MAFF: variants seen among roughly 807,000 people sequenced by gnomAD.
MAFF encodes MAF bZIP transcription factor F.
MAFF carries 4 observed loss-of-function variants against 2.7 expected under a neutral mutation model. The observed-to-expected ratio is 1.48, with a 90% confidence interval of 0.73 to 3.39. MAFF has a LOEUF of 3.39. MAFF is among the 30% of genes most tolerant of loss of function. MAFF has a pLI of 0.01. For synonymous variants in MAFF, 113 were observed against 119.4 expected (o/e 0.95, Z 0.35); for missense variants, 190 against 246.6 (o/e 0.77, Z 1.54).
chr22:38,214,973 C>A lies in MAFF; in HGVS notation c.*95C>A. The stretch of plus-strand genomic sequence containing the variant: ...GCCTCTGTGCCCAGGTCCCATTTCT[C>A]TGCAGCACTGGCCCCTTGGTGCACA... On this transcript the variant is annotated 3_prime_UTR_variant, in exon 3 of 3. Transcript: ENST00000338483. The surrounding 1 kb of genome is among the most constrained non-coding windows in gnomAD (Gnocchi z 6.3). 1 of 911,062 alleles carries A rather than the reference C, an allele frequency of 1.1e-6. No homozygotes were observed. Among genetic ancestry groups the A allele is most frequent in the Non-Finnish European group, 1.7e-6 (1 of 581,746 alleles). 56.4% of individuals were successfully genotyped at this position (911,062 alleles called of 1,614,324 possible). A position where few individuals can be genotyped will look rare whatever the true frequency, so the allele number is the denominator to read the frequency against.
In MAFF at chr22:38,214,740, C is replaced by T. The variant is rs1602338321; in HGVS notation, c.357C>T (p.Arg119=). ...GKCEALQGFA[R]SVAAARGPAT... is the part of the protein sequence containing the mutation. ...GCGAGGCGCTGCAGGGCTTCGCGCG[C>T]TCCGTGGCCGCCGCCCGCGGGCCCG... is the stretch of plus-strand genomic sequence containing the variant. The change falls in exon 3 of 3, where the codon CGC becomes CGT. Residue 119 remains arginine (R), a synonymous_variant. Coordinates refer to ENST00000338483, the MANE Select transcript of MAFF (RefSeq NM_012323.4). This position sits in a 1 kb window ranked among gnomAD's most constrained non-coding sequence, Gnocchi z 6.3. 3 of 1,415,662 alleles carry T rather than the reference C, an allele frequency of 2.1e-6. No individual in the cohort carries two copies. The highest frequency in any genetic ancestry group is 6.0e-5 in the East Asian group (2 of 33,092). 87.7% of individuals were successfully genotyped at this position (1,415,662 alleles called of 1,614,324 possible).
chr22:38,203,683 G>C (rs931893903), intron 1 of MAFF: 3 of 146,446 alleles, frequency 2.0e-5, no homozygotes, highest in African/African-American at 7.4e-5. Context: ...GGGAGCAATT[G>C]AACTTGCTAG....
chr22:38,207,132 T>C (rs1259689732), intron 1 of MAFF, among the ~76,000 whole-genome samples: 1 of 151,994 alleles, frequency 6.6e-6, no homozygotes, highest in African/African-American at 2.4e-5. Context: ...TTATTATTAT[T>C]ATTTTTGAGA....
rs1253687114 is a variant in MAFF, at chr22:38,216,256, TC to T, written c.*1381del. On this transcript the variant is annotated 3_prime_UTR_variant, in exon 3 of 3. Transcript: ENST00000338483. ...CATGCATGGTGGCTCATGCCTGTAG[TC>T]CCAGCTACTTGGGAGGCTGAGGCAG... The T allele has an allele frequency of 6.5e-6, 1 of 154,510 alleles. No homozygotes were observed. Among genetic ancestry groups the T allele is most frequent in the Non-Finnish European group, 1.5e-5 (1 of 68,080 alleles). The allele number at this position is 154,510 out of a possible 1,614,324, so 9.6% of individuals were successfully genotyped here.
At chr22:38,207,872 T>C (rs765475029) in intron 1 of MAFF, among the ~76,000 whole-genome samples, 4 of 152,168 alleles carry the variant, frequency 2.6e-5, no homozygotes, top group Non-Finnish European at 4.4e-5. Flanking sequence ...GACTACTCTA[T>C]TGTCCTCTCT....
In MAFF at chr22:38,207,440, T is replaced by C. The variant is rs1288052703; in HGVS notation, c.-32+5228T>C. On this transcript the variant is annotated intron_variant, in intron 1 of 2. Coordinates refer to ENST00000338483, the MANE Select transcript of MAFF (RefSeq NM_012323.4). ...TTGGCCATCTTTTTTTTTTTTTTTT[T>C]TTTTTTTTTTTTTTTTTTGAGACAG... Among the ~76,000 whole-genome samples, 19 of 116,502 alleles carry C rather than the reference T, an allele frequency of 1.6e-4. 2 individuals are homozygous for C. The highest frequency in any genetic ancestry group is 3.7e-4 in the African/African-American group (11 of 29,846). The allele number at this position is 116,502 out of a possible 152,430, so 76.4% of individuals were successfully genotyped here. A position where few individuals can be genotyped will look rare whatever the true frequency, so the allele number is the denominator to read the frequency against.
intron 1 of MAFF, among the ~76,000 whole-genome samples, chr22:38,206,927 A>T (rs2091056307): frequency 6.6e-6 from 1 of 152,072 alleles, no homozygotes; most frequent in Non-Finnish European, 1.5e-5. Flanking sequence ...ACTTAACTGT[A>T]ACTTGCAAAT....
intron 1 of MAFF, among the ~76,000 whole-genome samples, chr22:38,210,668 G>A (rs900893340): frequency 9.5e-5 from 14 of 146,608 alleles, no homozygotes; most frequent in African/African-American, 3.3e-4. Context: ...GTGTCCGTGT[G>A]TGTATCAGGG....
rs2091123761 is a variant in MAFF at position 38,214,128 on chromosome 22, C to T, written c.36+239C>T. Among the ~76,000 whole-genome samples, 5 of 152,254 alleles carry T rather than the reference C, an allele frequency of 3.3e-5. No individual in the cohort carries two copies. Among genetic ancestry groups the T allele is most frequent in the South Asian group, 4.1e-4 (2 of 4,836 alleles). On this transcript the variant is annotated intron_variant, in intron 2 of 2. Coordinates refer to ENST00000338483, the MANE Select transcript of MAFF (RefSeq NM_012323.4). This position sits in a 1 kb window ranked among gnomAD's most constrained non-coding sequence, Gnocchi z 6.3. ...TCCCTCTCCAGGCCTCCTTCCCCAT[C>T]GGGTCAATGTCCCCTGGGGCATTCA...
chr22:38,213,591 TGAG>T (rs1237937481), intron 1 of MAFF: 5 of 632,338 alleles, frequency 7.9e-6, no homozygotes, highest in South Asian at 7.6e-5. Flanking sequence ...ACCTAAATGA[TGAG>T]GAGTCACCAT....
chr22:38,206,895 C>T (rs181419672), intron 1 of MAFF, among the ~76,000 whole-genome samples: 6 of 152,270 alleles, frequency 3.9e-5, no homozygotes, highest in South Asian at 2.1e-4. Context: ...GCTCCCCAAA[C>T]GGCTGGTAAG....
intron 1 of MAFF, among the ~76,000 whole-genome samples, chr22:38,210,085 G>T (rs1260788506): frequency 6.6e-6 from 1 of 152,164 alleles, no homozygotes; most frequent in African/African-American, 2.4e-5. Flanking sequence ...CAGCAGTGGG[G>T]GGTCGCAGCT....
At chr22:38,210,375 TG>T (rs2091089110) in intron 1 of MAFF, among the ~76,000 whole-genome samples, 2 of 152,146 alleles carry the variant, frequency 1.3e-5, no homozygotes, top group Admixed American at 1.3e-4. Context: ...TGAGAAGCCC[TG>T]GACTGTCCCC....
At chr22:38,209,872 G>A (rs907131709) in intron 1 of MAFF, among the ~76,000 whole-genome samples, 2 of 151,562 alleles carry the variant, frequency 1.3e-5, no homozygotes, top group Non-Finnish European at 2.9e-5. Flanking sequence ...AGGTAGGATC[G>A]GTGAGGTTGA....
intron 1 of MAFF, among the ~76,000 whole-genome samples, chr22:38,210,663 C>T (rs879619695): frequency 0.019 from 731 of 37,930 alleles, 3 homozygotes; most frequent in Middle Eastern, 0.028. Context: ...TGTGTGTGTC[C>T]GTGTGTGTAT....
At chr22:38,204,649 C>T (rs930689452) in intron 1 of MAFF, among the ~76,000 whole-genome samples, 1 of 152,194 alleles carries the variant, frequency 6.6e-6, no homozygotes, top group Non-Finnish European at 1.5e-5. Flanking sequence ...CGAGCAAATC[C>T]TTCAGGACTC....
chr22:38,207,344 G>C (rs977114220), intron 1 of MAFF, among the ~76,000 whole-genome samples: 2 of 149,564 alleles, frequency 1.3e-5, no homozygotes, highest in Non-Finnish European at 3.0e-5. Flanking sequence ...GATGGTCTCA[G>C]TCTCCTGACC....
chr22:38,211,713 G>A (rs1258712454), intron 1 of MAFF, among the ~76,000 whole-genome samples: 1 of 152,136 alleles, frequency 6.6e-6, no homozygotes, highest in East Asian at 1.9e-4. Flanking sequence ...ACTAGAGAGC[G>A]AGACCACCCC....
intron 1 of MAFF, among the ~76,000 whole-genome samples, chr22:38,209,518 G>C (rs1053326938): frequency 6.6e-6 from 1 of 152,038 alleles, no homozygotes; most frequent in Non-Finnish European, 1.5e-5. Context: ...GACCACTTAA[G>C]AGGCCTGCAT....
Sources: gnomAD v4.1 joint callset for allele counts (sites outside exome capture counted in the v4.1 genomes callset) on GRCh38, gnomAD v4.1.1 for gene constraint, Gnocchi (gnomAD v3.1) non-coding constraint, MANE v1.5 for transcripts, NCBI Gene and HGNC (gene_info 2026-07-23, HGNC 2026-07-21) for gene names.